The following PTPRD variants were observed in gnomAD, a reference collection of about 807,000 sequenced individuals.
PTPRD encodes receptor-type tyrosine-protein phosphatase delta.
A neutral mutation model predicts 214.5 loss-of-function variants in PTPRD; 34 were observed. That is an observed-to-expected ratio of 0.16 (90% CI 0.12 to 0.21). The LOEUF is 0.21. Ranked by LOEUF, PTPRD falls within the 10% of genes least tolerant of loss-of-function variation. The probability of loss-of-function intolerance (pLI) is 1.00; values close to 1 mark genes in which losing one functional copy is unlikely to be tolerated. For synonymous variants in PTPRD, 1,128 were observed against 845.7 expected, an observed-to-expected ratio of 1.33 and a Z score of -5.79; for missense variants, 2,545 against 2,398.7, an observed-to-expected ratio of 1.06 and a Z score of -1.27.
intron 2 of PTPRD, among the ~76,000 whole-genome samples, chr9:10,406,846 A>G (rs968013478): frequency 1.1e-4 from 16 of 151,646 alleles, no homozygotes; most frequent in African/African-American, 2.7e-4. Flanking sequence ...GTCCATTTCA[A>G]TCTCACGATC....
At chr9:10,462,001 C>A (rs576972949) in intron 2 of PTPRD, among the ~76,000 whole-genome samples, 6 of 152,184 alleles carry the variant, frequency 3.9e-5, no homozygotes, top group African/African-American at 1.4e-4. Context: ...CAGGGTCAGG[C>A]TGTGGGAGGC....
chr9:8,972,420 T>C (rs771802767), intron 11 of PTPRD, among the ~76,000 whole-genome samples: 1 of 151,796 alleles, frequency 6.6e-6, no homozygotes, highest in Admixed American at 6.6e-5. Flanking sequence ...AAAAGTGACA[T>C]TTAAATGAAT....
chr9:10,246,960 C>T (rs1309558428), intron 3 of PTPRD, among the ~76,000 whole-genome samples: 2 of 151,496 alleles, frequency 1.3e-5, no homozygotes, highest in African/African-American at 4.8e-5. Flanking sequence ...AATAAAATGT[C>T]TTAAGGCAGT....
intron 3 of PTPRD, among the ~76,000 whole-genome samples, chr9:10,050,367 G>A (rs1368347473): frequency 6.6e-6 from 1 of 151,574 alleles, no homozygotes; most frequent in African/African-American, 2.4e-5. Flanking sequence ...AGACCAGCCT[G>A]GCCAATATGG....
chr9:9,695,419 T>C (rs1016447340), intron 7 of PTPRD, among the ~76,000 whole-genome samples: 4 of 152,170 alleles, frequency 2.6e-5, no homozygotes, highest in African/African-American at 9.6e-5. Flanking sequence ...GGAAGGATTG[T>C]GCAAACCCTC....
At chr9:8,464,414 T>C (rs2096496459) in intron 32 of PTPRD, among the ~76,000 whole-genome samples, 1 of 152,006 alleles carries the variant, frequency 6.6e-6, no homozygotes, top group Non-Finnish European at 1.5e-5. Flanking sequence ...TGTTTTCAAA[T>C]GACATTCTGA....
chr9:9,389,838 G>T (rs2065178193), intron 9 of PTPRD, among the ~76,000 whole-genome samples: 1 of 152,160 alleles, frequency 6.6e-6, no homozygotes, highest in Admixed American at 6.5e-5. Flanking sequence ...TGGGGATACA[G>T]GAGGGGATAT....
At chr9:10,099,791 T>C (rs1186117212) in intron 3 of PTPRD, among the ~76,000 whole-genome samples, 1 of 151,508 alleles carries the variant, frequency 6.6e-6, no homozygotes, top group Non-Finnish European at 1.5e-5. Flanking sequence ...GTTTACTAAA[T>C]CCTGATTGTT....
chr9:9,356,479 C>T (rs975560677), intron 9 of PTPRD, among the ~76,000 whole-genome samples: 2 of 151,302 alleles, frequency 1.3e-5, no homozygotes, highest in African/African-American at 4.8e-5. Flanking sequence ...ATCATCAGAG[C>T]ATATTCATTA....
At chr9:10,251,205 A>T (rs1317189223) in intron 3 of PTPRD, among the ~76,000 whole-genome samples, 2 of 152,166 alleles carry the variant, frequency 1.3e-5, no homozygotes, top group African/African-American at 4.8e-5. Context: ...GACAACCCTT[A>T]TGTGACCAGC....
chr9:10,493,670 A>C (rs538258730), intron 2 of PTPRD, among the ~76,000 whole-genome samples: 1 of 151,512 alleles, frequency 6.6e-6, no homozygotes, highest in Non-Finnish European at 1.5e-5. Flanking sequence ...AACATCAAAC[A>C]CTCCTATTCT....
chr9:10,489,466 T>A (rs577642532), intron 2 of PTPRD, among the ~76,000 whole-genome samples: 7 of 152,278 alleles, frequency 4.6e-5, no homozygotes, highest in Non-Finnish European at 7.4e-5. Context: ...CTGACCTAAC[T>A]AGTGTCTCAG....
intron 37 of PTPRD, among the ~76,000 whole-genome samples, chr9:8,379,472 CAT>C (rs2084292840): frequency 6.6e-6 from 1 of 152,098 alleles, no homozygotes; most frequent in Non-Finnish European, 1.5e-5. Context: ...ATATGCTAAA[CAT>C]ATGATTTCTG....
At chr9:8,414,223 T>C (rs1037150504) in intron 35 of PTPRD, among the ~76,000 whole-genome samples, 15 of 152,134 alleles carry the variant, frequency 9.9e-5, no homozygotes, top group Non-Finnish European at 1.9e-4. Context: ...ATAAACAGAA[T>C]GGCTCCCAGC....
intron 10 of PTPRD, among the ~76,000 whole-genome samples, chr9:9,147,352 C>T (rs1290349769): frequency 1.3e-5 from 2 of 151,590 alleles, no homozygotes; most frequent in Admixed American, 1.3e-4. Flanking sequence ...TACTGTTATT[C>T]TTTTTTTAAA....
intron 37 of PTPRD, among the ~76,000 whole-genome samples, chr9:8,387,844 T>G (rs1283067661): frequency 6.6e-6 from 1 of 152,212 alleles, no homozygotes; most frequent in Non-Finnish European, 1.5e-5. Flanking sequence ...AGTTATGAAC[T>G]ATTATATCCA....
intron 5 of PTPRD, among the ~76,000 whole-genome samples, chr9:9,871,571 C>T (rs1042970397): frequency 1.3e-5 from 2 of 151,944 alleles, no homozygotes; most frequent in Non-Finnish European, 2.9e-5. Context: ...CTCCTTGGGC[C>T]CTAAGATTAT....
At chr9:9,214,402 T>C (rs1469677003) in intron 9 of PTPRD, among the ~76,000 whole-genome samples, 1 of 152,230 alleles carries the variant, frequency 6.6e-6, no homozygotes, top group Non-Finnish European at 1.5e-5. Flanking sequence ...GAATTTGTTT[T>C]AGTCCACTAA....
chr9:9,872,303 C>A (rs939000926), intron 5 of PTPRD, among the ~76,000 whole-genome samples: 2 of 152,154 alleles, frequency 1.3e-5, no homozygotes, highest in African/African-American at 2.4e-5. Flanking sequence ...CCCTCACAGT[C>A]CCTCAATTTC....
Sources: allele counts gnomAD v4.1 joint callset (sites outside exome capture counted in the v4.1 genomes callset), GRCh38; gene constraint gnomAD v4.1.1; transcripts MANE v1.5; gene names NCBI Gene and HGNC (gene_info 2026-07-23, HGNC 2026-07-21).